Variants in GRIA1 observed in about 807,000 individuals in gnomAD.
GRIA1 encodes the protein glutamate receptor 1.
Under a neutral mutation model 99.2 loss-of-function variants are expected in GRIA1, and 31 were observed. The observed-to-expected ratio is 0.31, with a 90% CI of 0.23 to 0.42. GRIA1 has a LOEUF of 0.42. Ranked by LOEUF, GRIA1 falls within the 10% of genes least tolerant of loss-of-function variation. The pLI, the probability that GRIA1 is intolerant of heterozygous loss-of-function variation, is 1.00. For missense variants in GRIA1, 782 were observed against 1,157.5 expected, an observed-to-expected ratio of 0.68 and a Z score of 4.71; for synonymous variants, 438 against 432.4, an observed-to-expected ratio of 1.01 and a Z score of -0.16.
intron 11 of GRIA1, among the ~76,000 whole-genome samples, chr5:153,748,599 C>A (rs1269285051): frequency 6.6e-6 from 1 of 152,044 alleles, no homozygotes; most frequent in African/African-American, 2.4e-5. Context: ...TGTATAAGAA[C>A]AAGAGAAGAG....
Position 153,571,035 on chromosome 5 carries a change from T to G in GRIA1, c.221-75893T>G, listed in dbSNP as rs1312084641. 2.0e-5 allele frequency among the ~76,000 whole-genome samples: 3 copies of G among 152,116 alleles called. No individual in the cohort carries two copies. The East Asian group carries it at 5.8e-4, about 29-fold the overall frequency. On this transcript the variant is annotated intron_variant, in intron 2 of 15. Coordinates refer to ENST00000285900, the MANE Select transcript of GRIA1 (RefSeq NM_000827.4). Reference sequence around the variant, plus strand: ...GGGAACCAGTCCTCACACTACATGGTTTACTCCAGCGATTCTCAACGTTAG... The same window carrying G: ...GGGAACCAGTCCTCACACTACATGGGTTACTCCAGCGATTCTCAACGTTAG...
intron 5 of GRIA1, among the ~76,000 whole-genome samples, chr5:153,673,961 T>C (rs1756383686): frequency 1.3e-5 from 2 of 152,232 alleles, no homozygotes; most frequent in African/African-American, 4.8e-5. Flanking sequence ...CTCGGCCTCT[T>C]CCACAGACTT....
chr5:153,659,008 C>A (rs971752865), intron 5 of GRIA1, among the ~76,000 whole-genome samples: 3 of 140,638 alleles, frequency 2.1e-5, no homozygotes, highest in African/African-American at 7.9e-5. Context: ...AAAAAAAAAA[C>A]CTTGTTTTTT....
chr5:153,515,888 T>C (rs1230277014), intron 2 of GRIA1, among the ~76,000 whole-genome samples: 1 of 152,150 alleles, frequency 6.6e-6, no homozygotes, highest in Admixed American at 6.5e-5. Flanking sequence ...GGGTGGTCAA[T>C]GGACAAACAG....
chr5:153,508,994 T>C (rs1191256050), intron 2 of GRIA1, among the ~76,000 whole-genome samples: 2 of 152,210 alleles, frequency 1.3e-5, no homozygotes, highest in Middle Eastern at 3.2e-3. Context: ...AGCTTTATCA[T>C]GCAAATATAT....
At chr5:153,560,246 T>C (rs1761005808) in intron 2 of GRIA1, among the ~76,000 whole-genome samples, 1 of 152,092 alleles carries the variant, frequency 6.6e-6, no homozygotes, top group Non-Finnish European at 1.5e-5. Flanking sequence ...AATCTCATAA[T>C]GGCTTTTTAT....
intron 6 of GRIA1, among the ~76,000 whole-genome samples, chr5:153,676,358 G>A (rs1041356835): frequency 5.3e-5 from 8 of 152,070 alleles, no homozygotes; most frequent in African/African-American, 1.9e-4. Context: ...TCCTGATTTT[G>A]TTTCATCCAC....
At chr5:153,745,909 G>GTAAC (rs1259544586) in intron 11 of GRIA1, among the ~76,000 whole-genome samples, 2 of 151,914 alleles carry the variant, frequency 1.3e-5, no homozygotes, top group African/African-American at 4.8e-5. Flanking sequence ...TCTGAGAGTG[G>GTAAC]TAACTGCTTC....
chr5:153,660,488 C>T (rs1755286603), intron 5 of GRIA1, among the ~76,000 whole-genome samples: 1 of 152,108 alleles, frequency 6.6e-6, no homozygotes, highest in Non-Finnish European at 1.5e-5. Flanking sequence ...AATTTGTGTT[C>T]TTATTACCGT....
At chr5:153,724,938 G>A (rs1006196380) in intron 11 of GRIA1, among the ~76,000 whole-genome samples, 105 of 152,182 alleles carry the variant, frequency 6.9e-4, no homozygotes, top group African/African-American at 1.7e-3. Flanking sequence ...TCCAAGACAC[G>A]TAATTGTCAG....
chr5:153,701,856 C>A lies in GRIA1; in HGVS notation c.1452+2783C>A, dbSNP rs546485912. Among the ~76,000 whole-genome samples the A allele has an allele frequency of 8.5e-5, 13 of 152,236 alleles. No individual in the cohort carries two copies. The South Asian group carries it at 1.2e-3, about 15-fold the overall frequency. On this transcript the variant is annotated intron_variant, in intron 10 of 15. Transcript: ENST00000285900. Reference sequence around the variant, plus strand: ...TAAATAACTAAGTCGATCAGGCTCTCTCTTATCTTCCTTTTGCTCCCTCTT... The same window carrying A: ...TAAATAACTAAGTCGATCAGGCTCTATCTTATCTTCCTTTTGCTCCCTCTT...
intron 13 of GRIA1, among the ~76,000 whole-genome samples, chr5:153,775,970 A>G (rs1229072468): frequency 6.6e-6 from 1 of 152,090 alleles, no homozygotes; most frequent in Non-Finnish European, 1.5e-5. Context: ...AGAATTCATT[A>G]ATAGGTAGGA....
chr5:153,494,170 C>T (rs576484518), intron 2 of GRIA1, 105 bp downstream of exon 2: 33 of 1,254,920 alleles, frequency 2.6e-5, no homozygotes, highest in Non-Finnish European at 3.2e-5. Flanking sequence ...AGTTGCCATT[C>T]GTCTTTGTAA....
chr5:153,552,113 T>C (rs1207328756), intron 2 of GRIA1, among the ~76,000 whole-genome samples: 4 of 152,212 alleles, frequency 2.6e-5, no homozygotes, highest in Non-Finnish European at 5.9e-5. Flanking sequence ...TGGTGTTCTA[T>C]GGATTGCATC....
chr5:153,492,177 A>C (rs1006114544), intron 1 of GRIA1: 4 of 1,520,184 alleles, frequency 2.6e-6, no homozygotes, highest in Admixed American at 4.0e-5. Flanking sequence ...ATGTGGTGCA[A>C]TTGATATTTT....
chr5:153,606,078 A>T (rs1041969083), intron 2 of GRIA1, among the ~76,000 whole-genome samples: 2 of 152,132 alleles, frequency 1.3e-5, no homozygotes, highest in Non-Finnish European at 2.9e-5. Context: ...ATGTTTTTCC[A>T]CTTAAATTAA....
At chr5:153,774,420 TTAAC>T (rs569907513) in intron 13 of GRIA1, among the ~76,000 whole-genome samples, 97 of 152,330 alleles carry the variant, frequency 6.4e-4, no homozygotes, top group African/African-American at 2.0e-3. Flanking sequence ...AAAGGACTGT[TTAAC>T]TACTCACAAG....
At chr5:153,757,595 A>G (rs1581605474) in intron 11 of GRIA1, among the ~76,000 whole-genome samples, 1 of 152,212 alleles carries the variant, frequency 6.6e-6, no homozygotes, top group African/African-American at 2.4e-5. Flanking sequence ...CTGGCAACAG[A>G]CTTCTCAGCA....
intron 2 of GRIA1, among the ~76,000 whole-genome samples, chr5:153,611,553 T>C (rs1020216200): frequency 3.3e-5 from 5 of 152,234 alleles, no homozygotes; most frequent in Non-Finnish European, 7.3e-5. Flanking sequence ...CTCTCCATCA[T>C]TGCTTTGTTT....
Sources: gnomAD v4.1 joint callset for allele counts (sites outside exome capture counted in the v4.1 genomes callset) on GRCh38, gnomAD v4.1.1 for gene constraint, MANE v1.5 for transcripts, NCBI Gene and HGNC (gene_info 2026-07-23, HGNC 2026-07-21) for gene names.